Variants in MECOM observed in about 807,000 individuals in gnomAD.
The protein encoded by MECOM is histone-lysine N-methyltransferase MECOM.
MECOM carries 13 observed loss-of-function variants against 116.3 expected under a neutral mutation model. The observed-to-expected ratio is 0.11, with a 90% confidence interval of 0.07 to 0.18. The LOEUF (loss-of-function observed/expected upper bound fraction) is 0.18, where lower values mean the gene tolerates loss of function less well. MECOM is among the 10% of genes least tolerant of loss of function. The pLI is 1.00. For synonymous variants in MECOM, 528 were observed against 535.2 expected (o/e 0.99, Z 0.19); for missense variants, 1,299 against 1,509.0 (o/e 0.86, Z 2.31).
At chr3:169,248,029 T>C (rs1755811298) in intron 2 of MECOM, among the ~76,000 whole-genome samples, 1 of 152,214 alleles carries the variant, frequency 6.6e-6, no homozygotes, top group Non-Finnish European at 1.5e-5. Flanking sequence ...ATGTCATAGA[T>C]AGGTTGTGAA....
At chr3:169,361,917 A>G (rs1293894886) in intron 2 of MECOM, among the ~76,000 whole-genome samples, 3 of 151,822 alleles carry the variant, frequency 2.0e-5, no homozygotes, top group African/African-American at 7.3e-5. Flanking sequence ...ATCTCTCTAA[A>G]CAATTTACTT....
chr3:169,277,388 T>C (rs1317222373), intron 2 of MECOM, among the ~76,000 whole-genome samples: 1 of 152,232 alleles, frequency 6.6e-6, no homozygotes, highest in African/African-American at 2.4e-5. Context: ...GAGCATAAAC[T>C]GTCTCATCAG....
At chr3:169,089,583 G>A (rs1284641372) in intron 15 of MECOM, among the ~76,000 whole-genome samples, 3 of 151,970 alleles carry the variant, frequency 2.0e-5, no homozygotes, top group Non-Finnish European at 4.4e-5. Flanking sequence ...CATTTAAAAA[G>A]TTATCATCTA....
intron 2 of MECOM, among the ~76,000 whole-genome samples, chr3:169,254,723 G>T (rs9851747): frequency 0.062 from 9,367 of 152,020 alleles, 364 homozygotes; most frequent in South Asian, 0.2. Context: ...AAAGGAAAAA[G>T]ATATTTCTTT....
chr3:169,524,145 A>T (rs1229531195), intron 1 of MECOM, among the ~76,000 whole-genome samples: 1 of 151,524 alleles, frequency 6.6e-6, no homozygotes, highest in African/African-American at 2.4e-5. Flanking sequence ...TATCAATAAG[A>T]AATTTCTCTC....
At chr3:169,209,141 T>C (rs1750364877) in intron 2 of MECOM, among the ~76,000 whole-genome samples, 1 of 152,182 alleles carries the variant, frequency 6.6e-6, no homozygotes, top group Non-Finnish European at 1.5e-5. Flanking sequence ...TGGCTAGCCA[T>C]GTGCAGAAAA....
At chr3:169,474,354 ATT>A (rs1750018077) in intron 1 of MECOM, among the ~76,000 whole-genome samples, 1 of 152,242 alleles carries the variant, frequency 6.6e-6, no homozygotes, top group Admixed American at 6.5e-5. Flanking sequence ...CACCCCTATC[ATT>A]CTTTCCTTTT....
intron 2 of MECOM, chr3:169,149,616 C>G (rs1172977024): frequency 4.4e-6 from 2 of 459,574 alleles, no homozygotes; most frequent in African/African-American, 4.0e-5. Context: ...CCGCGTCCTT[C>G]CGAGCTACGA....
chr3:169,627,385 T>C (rs148172500), intron 1 of MECOM, among the ~76,000 whole-genome samples: 3 of 152,260 alleles, frequency 2.0e-5, no homozygotes, highest in Admixed American at 6.5e-5. Context: ...GAAACTGATA[T>C]GGAGTGACAT....
At chr3:169,610,281 A>C (rs1769086336) in intron 1 of MECOM, among the ~76,000 whole-genome samples, 2 of 152,178 alleles carry the variant, frequency 1.3e-5, no homozygotes, top group African/African-American at 4.8e-5. Flanking sequence ...GGGTTGCCAA[A>C]CATATTTTCC....
At chr3:169,618,966 T>C (rs1770354756) in intron 1 of MECOM, among the ~76,000 whole-genome samples, 1 of 152,240 alleles carries the variant, frequency 6.6e-6, no homozygotes, top group Middle Eastern at 3.4e-3. Flanking sequence ...TTGTTTCTTC[T>C]GCTTAGTAGC....
chr3:169,583,413 A>T (rs191545615), intron 1 of MECOM, among the ~76,000 whole-genome samples: 2 of 152,296 alleles, frequency 1.3e-5, no homozygotes, highest in Non-Finnish European at 2.9e-5. Context: ...AAAACCTGAA[A>T]TCCAAACAAC....
chr3:169,252,885 A>C (rs1325095763), intron 2 of MECOM, among the ~76,000 whole-genome samples: 1 of 152,226 alleles, frequency 6.6e-6, no homozygotes, highest in East Asian at 1.9e-4. Flanking sequence ...TGGATTTGGC[A>C]AAACCAAAAC....
chr3:169,469,472 C>T (rs1748842190), intron 1 of MECOM, among the ~76,000 whole-genome samples: 1 of 152,162 alleles, frequency 6.6e-6, no homozygotes, highest in African/African-American at 2.4e-5. Context: ...AAAATCAAAA[C>T]TACTACCTAT....
At position 169,190,341 on chromosome 3, in the gene MECOM, C is replaced by G. The variant is rs547388142; in HGVS notation, c.376-46509G>C. Among the ~76,000 whole-genome samples, 19 of 152,114 alleles carry G rather than the reference C, an allele frequency of 1.2e-4. No individual in the cohort carries two copies. The South Asian group carries it at 2.1e-3, about 17-fold the overall frequency. ...CCAGAGATGGCACTGATGAATATCT[C>G]TACACAGCTACCCCTCATTCCAAAT... On this transcript the variant is annotated intron_variant, in intron 2 of 16. Coordinates refer to ENST00000651503, the MANE Select transcript of MECOM (RefSeq NM_004991.4).
At chr3:169,548,117 T>C (rs1404272993) in intron 1 of MECOM, among the ~76,000 whole-genome samples, 4 of 152,196 alleles carry the variant, frequency 2.6e-5, no homozygotes, top group Admixed American at 1.3e-4. Context: ...CATAAGAAAC[T>C]AGACCTTACT....
At position 169,084,807 on chromosome 3, in the gene MECOM, C is replaced by G; in HGVS notation, c.*102G>C. ...ACTAGACTTTAGATGAGTGACCCTG[C>G]AGGTTTATAAGGCATTCTGCTCAGC... On this transcript the variant is annotated 3_prime_UTR_variant, in exon 17 of 17. Transcript: ENST00000651503. The G allele has an allele frequency of 1.5e-6, 2 of 1,297,306 alleles. No homozygotes were observed. The highest frequency in any genetic ancestry group is 1.5e-5 in the African/African-American group (1 of 68,360). 80.4% of individuals were successfully genotyped at this position (1,297,306 alleles called of 1,614,324 possible).
intron 2 of MECOM, among the ~76,000 whole-genome samples, chr3:169,182,909 A>G (rs996515114): frequency 6.6e-6 from 1 of 152,162 alleles, no homozygotes; most frequent in African/African-American, 2.4e-5. Flanking sequence ...GGCTAAACAG[A>G]GCTTGTTGAG....
chr3:169,448,520 G>A (rs1447766100), intron 1 of MECOM, among the ~76,000 whole-genome samples: 1 of 152,066 alleles, frequency 6.6e-6, no homozygotes, highest in Non-Finnish European at 1.5e-5. Flanking sequence ...AACTTCAAAG[G>A]CACCTGTAAA....
Sources: allele counts gnomAD v4.1 joint callset (sites outside exome capture counted in the v4.1 genomes callset), GRCh38; gene constraint gnomAD v4.1.1; transcripts MANE v1.5; gene names NCBI Gene and HGNC (gene_info 2026-07-23, HGNC 2026-07-21).